Variants in CTNNA2 observed in about 807,000 individuals in gnomAD.
The protein encoded by CTNNA2 is catenin alpha-2.
A neutral mutation model predicts 101.0 loss-of-function variants in CTNNA2; 42 were observed. The ratio of observed to expected loss-of-function variants is 0.42; its 90% CI spans 0.32 to 0.54. The LOEUF is 0.54. Ranked by LOEUF, CTNNA2 falls within the 20% of genes least tolerant of loss-of-function variation. The probability of loss-of-function intolerance (pLI) is 0.14; values close to 1 mark genes in which losing one functional copy is unlikely to be tolerated. For missense variants in CTNNA2, 871 were observed against 1,223.1 expected (o/e 0.71, Z 4.29); for synonymous variants, 450 against 456.4 (o/e 0.99, Z 0.18).
intron 7 of CTNNA2, among the ~76,000 whole-genome samples, chr2:79,989,196 T>C (rs1691986946): frequency 6.6e-6 from 1 of 152,188 alleles, no homozygotes; most frequent in Non-Finnish European, 1.5e-5. Flanking sequence ...AATTCAAATA[T>C]AACCCAAAAT....
In CTNNA2 at chr2:79,531,195, C is replaced by CATATATATATAT. The variant is rs34087238; in HGVS notation, c.-6+18018_-6+18029dup. Among the ~76,000 whole-genome samples, 32 of 110,278 alleles carry CATATATATATAT rather than the reference C, an allele frequency of 2.9e-4. 2 individuals are homozygous for CATATATATATAT. The highest frequency in any genetic ancestry group is 7.2e-4 in the South Asian group (2 of 2,766). 72.3% of individuals were successfully genotyped at this position (110,278 alleles called of 152,430 possible). A position where few individuals can be genotyped will look rare whatever the true frequency, so the allele number is the denominator to read the frequency against. On this transcript the variant is annotated intron_variant, in intron 1 of 18. Coordinates refer to ENST00000402739, the MANE Select transcript of CTNNA2 (RefSeq NM_001282597.3). ...TTATTTATTAGTAAATAGATACGCT[C>CATATATATATAT]ATATATATATATATATATATATATA...
chr2:80,143,554 A>G (rs192870369), intron 7 of CTNNA2, among the ~76,000 whole-genome samples: 5 of 152,084 alleles, frequency 3.3e-5, no homozygotes, highest in African/African-American at 1.2e-4. Flanking sequence ...GAAACTTCAC[A>G]CTCTTTCACC....
intron 4 of CTNNA2, among the ~76,000 whole-genome samples, chr2:79,453,206 T>C (rs1331101288): frequency 6.6e-6 from 1 of 152,162 alleles, no homozygotes; most frequent in Non-Finnish European, 1.5e-5. Context: ...ATAAATACTA[T>C]GTACACTTTG....
chr2:80,161,173 A>G (rs968998576), intron 7 of CTNNA2, among the ~76,000 whole-genome samples: 1 of 151,944 alleles, frequency 6.6e-6, no homozygotes, highest in Non-Finnish European at 1.5e-5. Context: ...ATGCCACCAC[A>G]CCCAGCTAAT....
intron 7 of CTNNA2, among the ~76,000 whole-genome samples, chr2:80,040,800 T>C (rs1404706314): frequency 6.6e-6 from 1 of 152,178 alleles, no homozygotes; most frequent in African/African-American, 2.4e-5. Flanking sequence ...GGTCTTAAAA[T>C]TTAACGTGTA....
intron 4 of CTNNA2, among the ~76,000 whole-genome samples, chr2:79,417,435 A>G (rs1678495964): frequency 6.6e-6 from 1 of 152,190 alleles, no homozygotes; most frequent in South Asian, 2.1e-4. Context: ...ACAATATAAG[A>G]AAGGATTGTA....
chr2:79,978,223 G>A (rs771029292), intron 7 of CTNNA2, among the ~76,000 whole-genome samples: 6 of 152,244 alleles, frequency 3.9e-5, no homozygotes, highest in Middle Eastern at 3.4e-3. Context: ...CATTTTGACC[G>A]TATATTTGTC....
At chr2:79,245,658 G>T (rs1188888827) in intron 2 of CTNNA2, among the ~76,000 whole-genome samples, 1 of 152,140 alleles carries the variant, frequency 6.6e-6, no homozygotes, top group Non-Finnish European at 1.5e-5. Context: ...TAAAATTGTG[G>T]CTTACATATC....
intron 7 of CTNNA2, among the ~76,000 whole-genome samples, chr2:80,084,328 T>C (rs139238402): frequency 1.3e-5 from 2 of 152,292 alleles, no homozygotes; most frequent in East Asian, 1.9e-4. Flanking sequence ...ATGTCCTCTG[T>C]TGGACATTTT....
intron 4 of CTNNA2, among the ~76,000 whole-genome samples, chr2:79,471,125 CACCTCT>C (rs924345010): frequency 4.6e-5 from 7 of 152,230 alleles, no homozygotes; most frequent in African/African-American, 1.7e-4. Context: ...GGCTGTGGCA[CACCTCT>C]AGAAGGCTAG....
intron 7 of CTNNA2, among the ~76,000 whole-genome samples, chr2:80,052,705 G>A (rs17339856): frequency 0.046 from 7,054 of 152,248 alleles, 255 homozygotes; most frequent in South Asian, 0.22. Flanking sequence ...ATTATCATCC[G>A]TAGAAGTCTT....
chr2:79,250,117 C>T (rs1302184752), intron 2 of CTNNA2, among the ~76,000 whole-genome samples: 1 of 152,140 alleles, frequency 6.6e-6, no homozygotes, highest in African/African-American at 2.4e-5. Flanking sequence ...CCACACACTG[C>T]CCAGGATTGT....
intron 18 of CTNNA2, among the ~76,000 whole-genome samples, chr2:80,632,841 A>G (rs143275199): frequency 2.7e-3 from 415 of 152,324 alleles, no homozygotes; most frequent in Non-Finnish European, 5.1e-3. Context: ...TTTAACAAGT[A>G]TTTTATTTTC....
intron 2 of CTNNA2, among the ~76,000 whole-genome samples, chr2:79,206,539 C>T (rs1031720009): frequency 2.0e-5 from 3 of 152,166 alleles, no homozygotes; most frequent in Non-Finnish European, 4.4e-5. Context: ...TATTCTTCTC[C>T]TCTCCTTTCT....
intron 9 of CTNNA2, among the ~76,000 whole-genome samples, chr2:80,507,331 T>G (rs572372759): frequency 6.6e-6 from 1 of 152,298 alleles, no homozygotes; most frequent in African/African-American, 2.4e-5. Context: ...TTTTACTTTT[T>G]TTGAGAGTAG....
chr2:79,317,506 TTACA>T (rs1280563189), intron 3 of CTNNA2, among the ~76,000 whole-genome samples: 3 of 152,052 alleles, frequency 2.0e-5, no homozygotes, highest in Non-Finnish European at 4.4e-5. Flanking sequence ...AGCCAAAGAC[TTACA>T]TACTAGTAAC....
At chr2:80,383,764 C>G (rs1676734974) in intron 7 of CTNNA2, among the ~76,000 whole-genome samples, 1 of 150,778 alleles carries the variant, frequency 6.6e-6, no homozygotes, top group Admixed American at 6.6e-5. Flanking sequence ...CCCTAACATA[C>G]AGGCCCAAGA....
At chr2:80,378,566 A>G (rs1241706585) in intron 7 of CTNNA2, 1 of 152,066 alleles carries the variant, frequency 6.6e-6, no homozygotes, top group Non-Finnish European at 1.5e-5. Flanking sequence ...ATGCATCATC[A>G]GCAGTTTAGG....
At chr2:80,267,542 AG>A (rs1231246013) in intron 7 of CTNNA2, among the ~76,000 whole-genome samples, 1 of 152,170 alleles carries the variant, frequency 6.6e-6, no homozygotes, top group African/African-American at 2.4e-5. Context: ...TGGAGCTTCC[AG>A]TCTGGGAGGG....
Sources: allele counts gnomAD v4.1 joint callset (sites outside exome capture counted in the v4.1 genomes callset), GRCh38; gene constraint gnomAD v4.1.1; transcripts MANE v1.5; gene names NCBI Gene and HGNC (gene_info 2026-07-23, HGNC 2026-07-21).